The following DDX23 variants were observed in gnomAD, a reference collection of about 807,000 sequenced individuals.
DDX23 encodes probable ATP-dependent RNA helicase DDX23.
In DDX23, 33 loss-of-function variants were observed where a neutral mutation model predicts 102.7. The observed-to-expected ratio is 0.32, with a 90% CI of 0.24 to 0.43. The LOEUF (loss-of-function observed/expected upper bound fraction) is 0.43. Ranked by LOEUF, DDX23 falls within the 20% of genes least tolerant of loss-of-function variation. The pLI, the probability that DDX23 is intolerant of heterozygous loss-of-function variation, is 1.00. For missense variants in DDX23, 549 were observed against 1,086.6 expected (o/e 0.51, Z 6.96); for synonymous variants, 352 against 376.0 (o/e 0.94, Z 0.74).
intron 1 of DDX23, among the ~76,000 whole-genome samples, chr12:48,847,994 C>CA (rs1280223485): frequency 6.6e-6 from 1 of 152,112 alleles, no homozygotes; most frequent in Non-Finnish European, 1.5e-5. Flanking sequence ...GTAAAGAAAA[C>CA]AAAGTCTCAT....
At chr12:48,833,674 G>C (rs1776022649) in intron 12 of DDX23, 155 bp from the exon 13 acceptor site, 1 of 887,372 alleles carries the variant, frequency 1.1e-6, no homozygotes, top group African/African-American at 1.7e-5. Context: ...CTGCAAACTG[G>C]CATGAAATCA....
At chr12:48,841,474 C>T (rs1938549885) in intron 3 of DDX23, among the ~76,000 whole-genome samples, 1 of 152,184 alleles carries the variant, frequency 6.6e-6, no homozygotes, top group Non-Finnish European at 1.5e-5. Context: ...CACGGTCTCC[C>T]TCTCCCTCTC....
At chr12:48,843,547 C>CTTTTTT (rs757724499) in intron 3 of DDX23, among the ~76,000 whole-genome samples, 1 of 117,516 alleles carries the variant, frequency 8.5e-6, no homozygotes, top group Non-Finnish European at 1.8e-5. Flanking sequence ...TTCTTTCTTT[C>CTTTTTT]TTTTTTTTTT....
intron 3 of DDX23, 41 bp from the exon 4 acceptor site, chr12:48,840,147 A>G (rs777892418): frequency 1.3e-6 from 2 of 1,512,634 alleles, no homozygotes; most frequent in East Asian, 2.3e-5. Context: ...CTCTTACTTC[A>G]GTGCCTGGAT....
intron 1 of DDX23, among the ~76,000 whole-genome samples, chr12:48,848,085 A>G (rs967620484): frequency 1.3e-5 from 2 of 152,188 alleles, no homozygotes; most frequent in African/African-American, 4.8e-5. Context: ...GGAGATCAAG[A>G]CCATCCTGGC....
chr12:48,849,479 G>A (rs958304983), intron 1 of DDX23, among the ~76,000 whole-genome samples: 5 of 151,954 alleles, frequency 3.3e-5, no homozygotes, highest in African/African-American at 1.2e-4. Flanking sequence ...CTGGCCAACA[G>A]GGTGAAACCC....
At position 48,839,924 on chromosome 12, in the gene DDX23, G is replaced by C. The variant is rs1289167463; in HGVS notation, c.415-15C>G. ...AATGGCTGGGCCTGAAGATAAAACA[G>C]AACTTTAGTCTATAAAGGCTCTCTC... On this transcript the variant is annotated splice_polypyrimidine_tract_variant and intron_variant, in intron 4 of 16. Coordinates refer to ENST00000308025, the MANE Select transcript of DDX23 (RefSeq NM_004818.3). 1 of 1,614,102 alleles carries C rather than the reference G, an allele frequency of 6.2e-7. No individual in the cohort carries two copies. The highest frequency in any genetic ancestry group is 1.7e-5 in the Admixed American group (1 of 60,000).
chr12:48,831,108 A>C, intron 16 of DDX23, 34 bp downstream of exon 16: 1 of 1,612,470 alleles, frequency 6.2e-7, no homozygotes, highest in Non-Finnish European at 8.5e-7. Context: ...ATCTGACTTC[A>C]CCCTGGATTG....
chr12:48,842,177 G>A (rs1285557623), intron 3 of DDX23, among the ~76,000 whole-genome samples: 3 of 151,514 alleles, frequency 2.0e-5, no homozygotes, highest in Non-Finnish European at 4.4e-5. Flanking sequence ...GGGAGGTGGG[G>A]GGGGTTAGCT....
Position 48,837,400 on chromosome 12 carries a change from A to G in DDX23, c.754-7T>C, listed in dbSNP as rs369943529. ...TGCCACCCAGGTAACGCTCCTACCC[A>G]GGGACAGAACACAAAGCACATGAGC... On this transcript the variant is annotated splice_polypyrimidine_tract_variant and splice_region_variant and intron_variant, in intron 7 of 16. Coordinates refer to ENST00000308025, the MANE Select transcript of DDX23 (RefSeq NM_004818.3). 7 of 1,614,122 alleles carry G rather than the reference A, an allele frequency of 4.3e-6. No homozygotes were observed. The highest frequency in any genetic ancestry group is 5.9e-6 in the Non-Finnish European group (7 of 1,179,948).
intron 1 of DDX23, among the ~76,000 whole-genome samples, chr12:48,847,964 T>C (rs1218375396): frequency 1.3e-5 from 2 of 152,140 alleles, no homozygotes; most frequent in South Asian, 2.1e-4. Context: ...GAAATTGTTG[T>C]AGGTAACGGA....
intron 15 of DDX23, 184 bp downstream of exon 15, chr12:48,831,894 G>C (rs532310235): frequency 6.6e-6 from 4 of 608,584 alleles, no homozygotes; most frequent in African/African-American, 5.6e-5. Context: ...GCAGACAGGG[G>C]GTCCCAGCAA....
Position 48,845,506 on chromosome 12 carries a change from G to A in DDX23, c.209+68C>T, listed in dbSNP as rs1193103713. On this transcript the variant is annotated intron_variant, in intron 2 of 16. Coordinates refer to ENST00000308025, the MANE Select transcript of DDX23 (RefSeq NM_004818.3). ...ATGCCTAATACTGGAGGCATCAGAA[G>A]AACCAAGAAGGAAGAAATCTGAAAC... 7.0e-6 allele frequency: 11 copies of A among 1,567,582 alleles called. 1 individual carries two copies. The African/African-American group carries it at 1.4e-4, about 19-fold the overall frequency.
At chr12:48,841,299 T>G (rs927002610) in intron 3 of DDX23, among the ~76,000 whole-genome samples, 1 of 152,060 alleles carries the variant, frequency 6.6e-6, no homozygotes, top group Non-Finnish European at 1.5e-5. Context: ...GGCAGGAAAA[T>G]TGCCTGAACC....
At chr12:48,848,012 G>A (rs2453466) in intron 1 of DDX23, among the ~76,000 whole-genome samples, 12,405 of 152,228 alleles carry the variant, frequency 0.081, 686 homozygotes, top group Middle Eastern at 0.12. Flanking sequence ...CATGCTGGGC[G>A]TGGTGGCTCA....
intron 6 of DDX23, 41 bp from the exon 7 acceptor site, chr12:48,837,698 A>G (rs750034266): frequency 6.2e-7 from 1 of 1,611,528 alleles, no homozygotes; most frequent in Admixed American, 1.7e-5. Flanking sequence ...GAGCTCATGG[A>G]AGAAAAGAGG....
intron 1 of DDX23, among the ~76,000 whole-genome samples, chr12:48,846,252 C>T (rs1391688869): frequency 6.6e-6 from 1 of 152,254 alleles, no homozygotes; most frequent in Non-Finnish European, 1.5e-5. Flanking sequence ...GCGTGAGCCA[C>T]AGTGCCTGGT....
In DDX23 at chr12:48,834,604, G is replaced by A; in HGVS notation, c.1383-107C>T. 3 of 1,065,852 alleles carry A rather than the reference G, an allele frequency of 2.8e-6. No individual in the cohort carries two copies. The East Asian group carries it at 7.2e-5, about 26-fold the overall frequency. The allele number at this position is 1,065,852 out of a possible 1,614,324, so 66.0% of individuals were successfully genotyped here. A position where few individuals can be genotyped will look rare whatever the true frequency, so the allele number is the denominator to read the frequency against. On this transcript the variant is annotated intron_variant, in intron 11 of 16. Transcript: ENST00000308025. The stretch of plus-strand genomic sequence containing the variant: ...TACGGGGAGCAATGGGAATGGGGAG[G>A]ATGATGAGAAAAGAATGCAATGATC...
In DDX23 at chr12:48,836,732, G is replaced by C. The variant is rs778918285; in HGVS notation, c.1073C>G (p.Ser358Cys). The change falls in exon 10 of 17, where the codon TCT becomes TGT. Residue 358 changes from serine (S) to cysteine (C), a missense_variant. Around this residue, in one of 4 missense-constraint regions of DDX23, gnomAD observed 270 missense variants for 707.0 expected, o/e 0.38. Transcript: ENST00000308025. The surrounding 1 kb of genome is among the most constrained non-coding windows in gnomAD (Gnocchi z 6.1). ...CGTCATCTCATCTAACTTTTTCTGA[G>C]ACCAATGACGATCATCCCAGCGCTG... ...AKQRWDDRHW[S>C]QKKLDEMTDR... 27 of 1,614,080 alleles carry C rather than the reference G, an allele frequency of 1.7e-5. No homozygotes were observed. The highest frequency in any genetic ancestry group is 2.3e-5 in the Non-Finnish European group (27 of 1,180,052).
Sources: allele counts gnomAD v4.1 joint callset (sites outside exome capture counted in the v4.1 genomes callset), GRCh38; gene constraint gnomAD v4.1.1; regional missense constraint gnomAD v4.1.1; non-coding constraint Gnocchi (gnomAD v3.1); transcripts MANE v1.5; gene names NCBI Gene and HGNC (gene_info 2026-07-23, HGNC 2026-07-21).